Variants in PRKN observed in about 807,000 individuals in gnomAD.
PRKN encodes E3 ubiquitin-protein ligase parkin.
PRKN carries 56 observed loss-of-function variants against 59.5 expected under a neutral mutation model. The observed-to-expected ratio is 0.94, with a 90% CI of 0.76 to 1.18. PRKN has a LOEUF of 1.18. PRKN is among the 50% of genes most tolerant of loss of function. The pLI is 0.00. For synonymous variants in PRKN, 250 were observed against 222.1 expected, an observed-to-expected ratio of 1.13 and a Z score of -1.12; for missense variants, 657 against 596.4, an observed-to-expected ratio of 1.10 and a Z score of -1.06.
intron 4 of PRKN, among the ~76,000 whole-genome samples, chr6:162,150,850 C>T (rs1782239947): frequency 6.6e-6 from 1 of 152,012 alleles, no homozygotes; most frequent in South Asian, 2.1e-4. Flanking sequence ...TTTATTCTCC[C>T]CCACCACCCC....
chr6:162,362,741 G>A (rs574609642), intron 2 of PRKN, among the ~76,000 whole-genome samples: 1 of 152,154 alleles, frequency 6.6e-6, no homozygotes, highest in African/African-American at 2.4e-5. Flanking sequence ...CACTCAGGGT[G>A]GCCAGGGTAC....
At chr6:161,565,901 T>A (rs1183264933) in intron 8 of PRKN, among the ~76,000 whole-genome samples, 1 of 152,168 alleles carries the variant, frequency 6.6e-6, no homozygotes. Flanking sequence ...CTGCATATTC[T>A]GTCTCCCCCA....
In PRKN at chr6:161,451,202, C is replaced by T. The variant is rs1789727098; in HGVS notation, c.1084-64325G>A. Reference sequence around the variant, plus strand: ...CTTGAACACCTCCCAAGGCCAATCTCCCATTGCAACAAATGAACTATTAAA... The same window carrying T: ...CTTGAACACCTCCCAAGGCCAATCTTCCATTGCAACAAATGAACTATTAAA... On this transcript the variant is annotated intron_variant, in intron 9 of 11. Transcript: ENST00000366898. This position sits in a 1 kb window ranked among gnomAD's most constrained non-coding sequence, Gnocchi z 5.9. 6.6e-6 allele frequency among the ~76,000 whole-genome samples: 1 copy of T among 152,132 alleles called. No individual in the cohort carries two copies.
intron 2 of PRKN, among the ~76,000 whole-genome samples, chr6:162,335,900 G>A (rs996991778): frequency 3.3e-5 from 5 of 151,596 alleles, no homozygotes; most frequent in Admixed American, 6.6e-5. Flanking sequence ...GCTGAAACAG[G>A]AAACGTCCTG....
At chr6:161,898,613 C>A (rs192830245) in intron 6 of PRKN, among the ~76,000 whole-genome samples, 3 of 152,142 alleles carry the variant, frequency 2.0e-5, no homozygotes, top group Non-Finnish European at 4.4e-5. Context: ...GCTAAAGTTG[C>A]GGGCATCTTT....
intron 2 of PRKN, among the ~76,000 whole-genome samples, chr6:162,315,047 TA>T (rs1161374423): frequency 1.3e-5 from 2 of 152,208 alleles, no homozygotes; most frequent in Non-Finnish European, 2.9e-5. Flanking sequence ...AATCCAATAA[TA>T]TTTTTTAAAT....
intron 2 of PRKN, among the ~76,000 whole-genome samples, chr6:162,418,739 G>A (rs1305246696): frequency 2.6e-5 from 4 of 151,200 alleles, no homozygotes; most frequent in Non-Finnish European, 4.4e-5. Flanking sequence ...TGGTGTGCAC[G>A]GTTCCTGCAC....
intron 7 of PRKN, among the ~76,000 whole-genome samples, chr6:161,645,352 G>A (rs1582938908): frequency 6.6e-6 from 1 of 152,018 alleles, no homozygotes; most frequent in Non-Finnish European, 1.5e-5. Context: ...GATCTGAAAC[G>A]CACTTGACAA....
At chr6:162,198,422 T>C (rs539085851) in intron 4 of PRKN, among the ~76,000 whole-genome samples, 4 of 150,288 alleles carry the variant, frequency 2.7e-5, no homozygotes, top group South Asian at 4.2e-4. Context: ...CTGAAATCAG[T>C]TAGCCAAAGC....
intron 5 of PRKN, among the ~76,000 whole-genome samples, chr6:161,996,355 T>G (rs910291214): frequency 2.0e-5 from 3 of 152,198 alleles, no homozygotes; most frequent in African/African-American, 7.2e-5. Context: ...TTACTGGACC[T>G]TTATTGAACT....
At chr6:161,434,586 C>T (rs994340490) in intron 9 of PRKN, among the ~76,000 whole-genome samples, 1 of 152,158 alleles carries the variant, frequency 6.6e-6, no homozygotes, top group Admixed American at 6.5e-5. Context: ...AGAATCAACA[C>T]ACAATGGGGT....
intron 2 of PRKN, among the ~76,000 whole-genome samples, chr6:162,339,355 C>T (rs1281348591): frequency 3.4e-5 from 5 of 145,864 alleles, no homozygotes; most frequent in South Asian, 2.2e-4. Context: ...GGTCAGCCCC[C>T]GCCCGGCCAG....
At chr6:162,524,236 T>C (rs1778191447) in intron 1 of PRKN, among the ~76,000 whole-genome samples, 1 of 152,216 alleles carries the variant, frequency 6.6e-6, no homozygotes, top group Admixed American at 6.5e-5. Context: ...ACATATTTTA[T>C]GCTACAATAT....
intron 6 of PRKN, among the ~76,000 whole-genome samples, chr6:161,822,728 G>C (rs1792082964): frequency 6.6e-6 from 1 of 152,128 alleles, no homozygotes; most frequent in Admixed American, 6.5e-5. Context: ...AGGGGTCTCA[G>C]ATCATGATAA....
chr6:161,711,538 T>C (rs948852371), intron 7 of PRKN, among the ~76,000 whole-genome samples: 6 of 152,198 alleles, frequency 3.9e-5, no homozygotes, highest in African/African-American at 1.4e-4. Flanking sequence ...AGGAGAAATT[T>C]AGAAGAACAA....
intron 5 of PRKN, among the ~76,000 whole-genome samples, chr6:162,020,264 A>C: frequency 6.7e-6 from 1 of 148,216 alleles, no homozygotes; most frequent in Non-Finnish European, 1.5e-5. Flanking sequence ...ACATGGATAG[A>C]ATATAGGGAG....
chr6:162,481,611 C>T (rs554661579), intron 1 of PRKN, among the ~76,000 whole-genome samples: 12 of 152,250 alleles, frequency 7.9e-5, no homozygotes, highest in East Asian at 7.7e-4. Flanking sequence ...TTTGCTGCTG[C>T]GTGCCATTAG....
intron 1 of PRKN, among the ~76,000 whole-genome samples, chr6:162,449,999 A>G (rs745706073): frequency 5.9e-5 from 9 of 152,236 alleles, no homozygotes; most frequent in African/African-American, 1.7e-4. Flanking sequence ...CATGTGGGCC[A>G]GCAGGCACTT....
chr6:162,269,532 G>A (rs1484833938), intron 2 of PRKN: 3 of 152,188 alleles, frequency 2.0e-5, no homozygotes, highest in African/African-American at 7.2e-5. Flanking sequence ...CACGACATAA[G>A]TAGACATGTT....
Sources: allele counts gnomAD v4.1 joint callset (sites outside exome capture counted in the v4.1 genomes callset), GRCh38; gene constraint gnomAD v4.1.1; non-coding constraint Gnocchi (gnomAD v3.1); transcripts MANE v1.5; gene names NCBI Gene and HGNC (gene_info 2026-07-23, HGNC 2026-07-21).